The following ADAMTSL5 variants were observed in gnomAD, a reference collection of about 807,000 sequenced individuals.
ADAMTSL5 encodes ADAMTS-like protein 5.
A neutral mutation model predicts 51.7 loss-of-function variants in ADAMTSL5; 53 were observed. The ratio of observed to expected loss-of-function variants is 1.03; its 90% CI spans 0.82 to 1.29. ADAMTSL5 has a LOEUF of 1.29. Among genes scored for constraint, ADAMTSL5 ranks in the 50% most tolerant of loss-of-function variants. The pLI is 0.00. For missense variants in ADAMTSL5, 770 were observed against 676.2 expected, an observed-to-expected ratio of 1.14 and a Z score of -1.54; for synonymous variants, 285 against 278.7, an observed-to-expected ratio of 1.02 and a Z score of -0.23.
rs749180512 is a variant in ADAMTSL5, at chr19:1,510,154, A to G, written c.357T>C (p.His119=). 4 of 1,609,860 alleles carry G rather than the reference A, an allele frequency of 2.5e-6. No individual in the cohort carries two copies. In the East Asian group the frequency reaches 8.9e-5, roughly 36 times the overall value. Residue 119 remains histidine (H), a synonymous_variant, in exon 5 of 12, where the codon CAT becomes CAC. Transcript: ENST00000330475. ...ACAGGAGACCAGACTACTCACCCCC[A>G]TGGAAGGGCACCCACTGGTAGGTCT... ...TQKTYQWVPF[H]GAPNQCDLNC... is the part of the protein sequence containing the mutation.
Position 1,506,214 on chromosome 19 carries a change from C to A in ADAMTSL5, c.1217G>T (p.Arg406Leu). Residue 406 changes from arginine to leucine, a missense_variant, in exon 12 of 12, where the codon CGC becomes CTC. Physicochemically the swap from Arg to Leu is moderately radical, Grantham distance 102. Coordinates refer to ENST00000330475, the MANE Select transcript of ADAMTSL5 (RefSeq NM_213604.3). This position sits in a 1 kb window ranked among gnomAD's most constrained non-coding sequence, Gnocchi z 5.6. ...GTGGCCTGGCGCCCACACGTACTCGCGTGCCCGCAGTGGCGAGCGGTTCTT... is the reference window on the plus strand; with the variant it reads ...GTGGCCTGGCGCCCACACGTACTCGAGTGCCCGCAGTGGCGAGCGGTTCTT... ...VYKNRSPLRA[R>L]EYVWAPGHCP... 8 of 1,604,964 alleles carry A rather than the reference C, an allele frequency of 5.0e-6. No homozygotes were observed. The highest frequency in any genetic ancestry group is 6.8e-6 in the Non-Finnish European group (8 of 1,174,636).
chr19:1,510,793 G>T, intron 2 of ADAMTSL5, 52 bp downstream of exon 2: 1 of 1,518,194 alleles, frequency 6.6e-7, no homozygotes, highest in Non-Finnish European at 8.8e-7. Flanking sequence ...CCACACTGCT[G>T]ACTGGGTCCC....
chr19:1,506,937 G>A lies in ADAMTSL5; in HGVS notation c.853-9C>T. The A allele has an allele frequency of 6.5e-7, 1 of 1,543,902 alleles. No homozygotes were observed. The highest frequency in any genetic ancestry group is 1.4e-5 in the African/African-American group (1 of 72,638). On this transcript the variant is annotated splice_polypyrimidine_tract_variant and intron_variant, in intron 9 of 11. Transcript: ENST00000330475. This position sits in a 1 kb window ranked among gnomAD's most constrained non-coding sequence, Gnocchi z 5.6. The stretch of plus-strand genomic sequence containing the variant: ...GGCTCCTGCAGGAGGACCTGGAGCA[G>A]GGGAGGGGACACAGGGAGCTTCACA...
rs1387878407 is a variant in ADAMTSL5 at position 1,510,726 on chromosome 19, G to A, written c.104C>T (p.Pro35Leu). The A allele has an allele frequency of 7.8e-6, 12 of 1,537,134 alleles. No homozygotes were observed. The highest frequency in any genetic ancestry group is 1.4e-5 in the African/African-American group (1 of 71,916). ...NCGLGVSAQG[P>L]GEWTPWVSWT... ...GGACACCCACGGGGTCCACTCGCCC[G>A]GACCCTACTTGGGGAGACAGAGGCA... Residue 35 changes from proline to leucine, a missense_variant, in exon 3 of 12, where the codon CCG (proline) becomes CTG (leucine). Physicochemically the swap from Pro to Leu is moderately conservative, Grantham distance 98 (BLOSUM62 -3). Transcript: ENST00000330475.
chr19:1,507,755 C>T, intron 7 of ADAMTSL5, 112 bp from the exon 8 acceptor site: 2 of 1,151,816 alleles, frequency 1.7e-6, no homozygotes, highest in Non-Finnish European at 2.5e-6. Context: ...GTCCTGGGAA[C>T]CGGAAAACCC....
chr19:1,512,661 C>T (rs1913322371), intron 1 of ADAMTSL5, among the ~76,000 whole-genome samples: 1 of 151,942 alleles, frequency 6.6e-6, no homozygotes, highest in Admixed American at 6.6e-5. Flanking sequence ...GCCTGGGCGA[C>T]ATAGTGAGAC....
At position 1,505,779 on chromosome 19, in the gene ADAMTSL5, G is replaced by A. The variant is rs139449197; in HGVS notation, c.*236C>T. ...CTTCCTGGCAGCCAAGGAGAGAGGCGAAATAAAAGTCAGAGTCTCCTTAGT... is the reference window on the plus strand; with the variant it reads ...CTTCCTGGCAGCCAAGGAGAGAGGCAAAATAAAAGTCAGAGTCTCCTTAGT... On this transcript the variant is annotated 3_prime_UTR_variant, in exon 12 of 12. Coordinates refer to ENST00000330475, the MANE Select transcript of ADAMTSL5 (RefSeq NM_213604.3). The A allele has an allele frequency of 3.5e-4, 164 of 467,876 alleles. No homozygotes were observed. The highest frequency in any genetic ancestry group is 7.3e-4 in the African/African-American group (36 of 49,316). 29.0% of individuals were successfully genotyped at this position (467,876 alleles called of 1,614,324 possible).
At chr19:1,510,512 C>G (rs1913204759) in intron 3 of ADAMTSL5, 84 bp from the exon 4 acceptor site, 1 of 1,511,736 alleles carries the variant, frequency 6.6e-7, no homozygotes, top group Non-Finnish European at 8.9e-7. Flanking sequence ...GCCAACCCCA[C>G]CCGCATTCCA....
At position 1,508,478 on chromosome 19, in the gene ADAMTSL5, C is replaced by G. The variant is rs773227081; in HGVS notation, c.454G>C (p.Gly152Arg). Reference sequence around the variant, plus strand: ...CCAGCCACGCAGACCCCCTGGGCACCCGGGCTGCAGGCGGTGCCGTCCAGG... The same window carrying G: ...CCAGCCACGCAGACCCCCTGGGCACGCGGGCTGCAGGCGGTGCCGTCCAGG... ...RVLDGTACSP[G>R]AQGVCVAGRC... is the part of the protein sequence containing the mutation. Residue 152 changes from glycine to arginine, a missense_variant, in exon 6 of 12, where the codon GGT becomes CGT. Physicochemically the swap from Gly to Arg is moderately radical, Grantham distance 125 (BLOSUM62 -2). Coordinates refer to ENST00000330475, the MANE Select transcript of ADAMTSL5 (RefSeq NM_213604.3). The G allele has an allele frequency of 2.5e-6, 4 of 1,582,632 alleles. No homozygotes were observed. In the South Asian group the frequency reaches 4.5e-5, roughly 18 times the overall value.
At chr19:1,511,484 T>G in intron 1 of ADAMTSL5, 77 of 1,087,394 alleles carry the variant, frequency 7.1e-5, no homozygotes, top group East Asian at 1.5e-4. Flanking sequence ...ACAATATTAT[T>G]GATATGTGTA....
chr19:1,508,695 A>C, intron 5 of ADAMTSL5, 125 bp from the exon 6 acceptor site: 4 of 1,338,250 alleles, frequency 3.0e-6, no homozygotes, highest in South Asian at 1.6e-5. Context: ...AAAGCCACAC[A>C]TCGAGGCTGA....
At position 1,507,961 on chromosome 19, in the gene ADAMTSL5, C is replaced by G. The variant is rs756185735; in HGVS notation, c.601+37G>C. Reference sequence around the variant, plus strand: ...GCCACGGCTCGTTAAAGGGCCCACTCTGACGTGTGTGCAGGGAGGGCGGGG... The same window carrying G: ...GCCACGGCTCGTTAAAGGGCCCACTGTGACGTGTGTGCAGGGAGGGCGGGG... On this transcript the variant is annotated intron_variant, in intron 7 of 11. Transcript: ENST00000330475. 4.5e-6 allele frequency: 7 copies of G among 1,553,272 alleles called. No homozygotes were observed. The South Asian group carries it at 4.7e-5, about 10-fold the overall frequency.
chr19:1,510,630 CCCG>C lies in ADAMTSL5; in HGVS notation c.191+6_191+8del. ...GGAGGGGCAGGGACCCCCTCCGGGC[CCCG>C]CTCACCGGAGGCAGCGCCGGCTGCG... On this transcript the variant is annotated splice_donor_region_variant and intron_variant, in intron 3 of 11. Coordinates refer to ENST00000330475, the MANE Select transcript of ADAMTSL5 (RefSeq NM_213604.3). The C allele has an allele frequency of 6.5e-7, 1 of 1,531,322 alleles. No homozygotes were observed. The highest frequency in any genetic ancestry group is 8.8e-7 in the Non-Finnish European group (1 of 1,137,996). The allele number at this position is 1,531,322 out of a possible 1,614,324, so 94.9% of individuals were successfully genotyped here. A position where few individuals can be genotyped will look rare whatever the true frequency, so the allele number is the denominator to read the frequency against.
intron 7 of ADAMTSL5, 28 bp downstream of exon 7, chr19:1,507,970 G>C (rs1448235880): frequency 1.3e-6 from 2 of 1,564,144 alleles, no homozygotes; most frequent in Non-Finnish European, 1.7e-6. Context: ...TCTGACGTGT[G>C]TGCAGGGAGG....
intron 5 of ADAMTSL5, 119 bp downstream of exon 5, chr19:1,510,031 C>T: frequency 2.6e-6 from 2 of 781,970 alleles, no homozygotes; most frequent in Middle Eastern, 2.4e-4. Context: ...TCCTACATAT[C>T]CTTCAAAGCC....
Position 1,508,477 on chromosome 19 carries a change from C to A in ADAMTSL5, c.455G>T (p.Gly152Val), listed in dbSNP as rs1490428163. 3 of 1,582,246 alleles carry A rather than the reference C, an allele frequency of 1.9e-6. No homozygotes were observed. The highest frequency in any genetic ancestry group is 2.6e-6 in the Non-Finnish European group (3 of 1,170,918). ...GCCAGCCACGCAGACCCCCTGGGCA[C>A]CCGGGCTGCAGGCGGTGCCGTCCAG... is the stretch of plus-strand genomic sequence containing the variant. ...RVLDGTACSPGAQGVCVAGRC... is the reference protein window; with the variant it reads ...RVLDGTACSPVAQGVCVAGRC... The change falls in exon 6 of 12, where the codon GGT becomes GTT. Residue 152 changes from glycine to valine, a missense_variant. By Grantham distance (109) the Gly-to-Val change is moderately radical. Coordinates refer to ENST00000330475, the MANE Select transcript of ADAMTSL5 (RefSeq NM_213604.3).
Position 1,506,143 on chromosome 19 carries a change from C to T in ADAMTSL5, c.1288G>A (p.Val430Ile), listed in dbSNP as rs1599281286. ...CCGTCGGGGCTGACAAGACGCTGGA[C>T]AGCCATCAGGTAGTCCCGGTGGGGT... ...LAPHRDYLMA[V>I]QRLVSPDGTQ... The change falls in exon 12 of 12, where the codon GTC (valine) becomes ATC (isoleucine). Residue 430 changes from valine (V) to isoleucine (I), a missense_variant. By Grantham distance (29) the Val-to-Ile change is conservative. Coordinates refer to ENST00000330475, the MANE Select transcript of ADAMTSL5 (RefSeq NM_213604.3). The surrounding 1 kb of genome is among the most constrained non-coding windows in gnomAD (Gnocchi z 5.6). 1 of 1,608,632 alleles carries T rather than the reference C, an allele frequency of 6.2e-7. No individual in the cohort carries two copies. Among genetic ancestry groups the T allele is most frequent in the Non-Finnish European group, 8.5e-7 (1 of 1,177,838 alleles).
At chr19:1,512,288 T>C (rs1913300033) in intron 1 of ADAMTSL5, among the ~76,000 whole-genome samples, 1 of 152,210 alleles carries the variant, frequency 6.6e-6, no homozygotes, top group Admixed American at 6.5e-5. Flanking sequence ...CTCTAGGTAC[T>C]GAGACAGCTG....
intron 1 of ADAMTSL5, chr19:1,511,764 G>A: frequency 2.5e-6 from 1 of 405,610 alleles, no homozygotes; most frequent in Non-Finnish European, 4.9e-6. Context: ...TGGATCAGGA[G>A]TTGGGTCCCT....
Sources: gnomAD v4.1 joint callset for allele counts (sites outside exome capture counted in the v4.1 genomes callset) on GRCh38, gnomAD v4.1.1 for gene constraint, Gnocchi (gnomAD v3.1) non-coding constraint, MANE v1.5 for transcripts, NCBI Gene and HGNC (gene_info 2026-07-23, HGNC 2026-07-21) for gene names.